Variants in MAN1A1 observed in about 807,000 individuals in gnomAD.
MAN1A1 encodes the protein mannosidase alpha class 1A member 1, also known as mannosyl-oligosaccharide 1,2-alpha-mannosidase IA.
A neutral mutation model predicts 70.8 loss-of-function variants in MAN1A1; 29 were observed. The observed-to-expected ratio is 0.41, with a 90% CI of 0.31 to 0.56. MAN1A1 has a LOEUF of 0.56. MAN1A1 is among the 20% of genes least tolerant of loss of function. The pLI is 0.29. For missense variants in MAN1A1, 747 were observed against 841.3 expected, an observed-to-expected ratio of 0.89 and a Z score of 1.39; for synonymous variants, 349 against 330.1, an observed-to-expected ratio of 1.06 and a Z score of -0.62.
intron 6 of MAN1A1, among the ~76,000 whole-genome samples, chr6:119,226,901 C>A (rs557165911): frequency 6.6e-6 from 1 of 152,052 alleles, no homozygotes; most frequent in African/African-American, 2.4e-5. Context: ...GAACTCCTGG[C>A]CTCAAGCAAT....
chr6:119,204,808 T>C lies in MAN1A1; in HGVS notation c.1067A>G (p.Glu356Gly), dbSNP rs1562190992. 6.2e-7 allele frequency: 1 copy of C among 1,613,978 alleles called. No homozygotes were observed. Reference protein sequence around the residue: ...ILAEFGTLHLEFMHLSHLSGN... With the variant: ...ILAEFGTLHLGFMHLSHLSGN... ...TGATAAGTGGCTCAAGTGCATAAAC[T>C]CCAAATGCAGGGTTCCAAATTCTGC... Residue 356 changes from glutamate to glycine, a missense_variant, in exon 7 of 13, where the codon GAG (glutamate) becomes GGG (glycine). Physicochemically the swap from Glu to Gly is moderately conservative, Grantham distance 98. Around this residue, in one of 2 missense-constraint regions of MAN1A1, gnomAD observed 419 missense variants for 548.2 expected, o/e 0.76. Transcript: ENST00000368468.
intron 4 of MAN1A1, among the ~76,000 whole-genome samples, chr6:119,293,555 C>A (rs192628430): frequency 3.3e-5 from 5 of 152,206 alleles, no homozygotes; most frequent in Admixed American, 3.3e-4. Context: ...ATCACTAGTT[C>A]TCAAGTCACC....
intron 10 of MAN1A1, 41 bp from the exon 11 acceptor site, chr6:119,188,618 G>T: frequency 6.4e-7 from 1 of 1,557,306 alleles, no homozygotes; most frequent in Non-Finnish European, 8.8e-7. Context: ...TATTTTCCTG[G>T]ACAGTGCTTA....
At chr6:119,200,679 T>C (rs1452401145) in intron 8 of MAN1A1, among the ~76,000 whole-genome samples, 1 of 152,204 alleles carries the variant, frequency 6.6e-6, no homozygotes, top group Non-Finnish European at 1.5e-5. Context: ...CTGAAGAGTC[T>C]TAAGTGCAGG....
intron 2 of MAN1A1, among the ~76,000 whole-genome samples, chr6:119,337,044 C>T (rs1773471135): frequency 6.6e-6 from 1 of 152,068 alleles, no homozygotes; most frequent in South Asian, 2.1e-4. Flanking sequence ...AGGAATCTCA[C>T]AATCATCTAC....
upstream of MAN1A1, chr6:119,349,779 T>G (rs576967164): frequency 2.0e-6 from 2 of 983,380 alleles, no homozygotes; most frequent in Non-Finnish European, 2.4e-6. Flanking sequence ...CTGCCGGTCT[T>G]GGGGCGGTGG....
chr6:119,277,599 G>A (rs1562222308), intron 5 of MAN1A1, among the ~76,000 whole-genome samples: 1 of 151,958 alleles, frequency 6.6e-6, no homozygotes, highest in Non-Finnish European at 1.5e-5. Context: ...AGGCAGGAGG[G>A]TAACTTTAGG....
intron 11 of MAN1A1, among the ~76,000 whole-genome samples, chr6:119,181,621 C>G (rs192303010): frequency 9.5e-4 from 144 of 152,228 alleles, no homozygotes; most frequent in African/African-American, 3.4e-3. Flanking sequence ...CCTAAACCAA[C>G]CTGCCTTCCA....
At chr6:119,215,632 T>C (rs1364701711) in intron 6 of MAN1A1, among the ~76,000 whole-genome samples, 1 of 152,218 alleles carries the variant, frequency 6.6e-6, no homozygotes, top group African/African-American at 2.4e-5. Flanking sequence ...TGGCACAAAA[T>C]ATATCTTATG....
chr6:119,271,001 C>G (rs1182568504), intron 5 of MAN1A1, among the ~76,000 whole-genome samples: 1 of 152,168 alleles, frequency 6.6e-6, no homozygotes, highest in Non-Finnish European at 1.5e-5. Context: ...ACTACTTTCT[C>G]TTCCATAGAA....
intron 2 of MAN1A1, among the ~76,000 whole-genome samples, chr6:119,336,379 T>G (rs1773450771): frequency 6.6e-6 from 1 of 152,166 alleles, no homozygotes; most frequent in South Asian, 2.1e-4. Flanking sequence ...CAGCAATCTG[T>G]TTTAACATGC....
In MAN1A1 at chr6:119,348,517, C is replaced by G. The variant is rs776540096; in HGVS notation, c.549G>C (p.Glu183Asp). Reference protein sequence around the residue: ...PVDFVPPIGVESREPADAAIR... With the variant: ...PVDFVPPIGVDSREPADAAIR... ...TGGCGGCGTCGGCGGGCTCCCGGCT[C>G]TCCACCCCGATTGGGGGCACGAAGT... Residue 183 changes from glutamate (E) to aspartate (D), a missense_variant, in exon 2 of 13, where the codon GAG becomes GAC. This residue lies in a region of MAN1A1 where 328 missense variants were observed against 293.1 expected (regional missense o/e 1.12). Transcript: ENST00000368468. The G allele has an allele frequency of 1.2e-6, 2 of 1,612,166 alleles. No homozygotes were observed. Among genetic ancestry groups the G allele is most frequent in the Non-Finnish European group, 1.7e-6 (2 of 1,179,172 alleles).
intron 2 of MAN1A1, among the ~76,000 whole-genome samples, chr6:119,322,359 C>A (rs1388858817): frequency 2.0e-5 from 3 of 152,260 alleles, no homozygotes; most frequent in South Asian, 2.1e-4. Context: ...TCAGCTTAGA[C>A]CAATTACTAC....
At chr6:119,264,559 T>G (rs1775696978) in intron 5 of MAN1A1, among the ~76,000 whole-genome samples, 1 of 152,200 alleles carries the variant, frequency 6.6e-6, no homozygotes, top group Admixed American at 6.5e-5. Context: ...ATGCCATCAC[T>G]GCATAATTTT....
rs543225261 is a variant in MAN1A1, at chr6:119,349,277, G to T, written c.-212C>A. 212 of 1,212,482 alleles carry T rather than the reference G, an allele frequency of 1.7e-4. 1 individual carries two copies. The East Asian group carries it at 6.6e-3, about 38-fold the overall frequency. 75.1% of individuals were successfully genotyped at this position (1,212,482 alleles called of 1,614,324 possible). A position where few individuals can be genotyped will look rare whatever the true frequency, so the allele number is the denominator to read the frequency against. Reference sequence around the variant, plus strand: ...ACACAGGCACGCGCGACAGACCGCTGGCTGCAGCCCCTGCGGGGAGAGAAA... The same window carrying T: ...ACACAGGCACGCGCGACAGACCGCTTGCTGCAGCCCCTGCGGGGAGAGAAA... On this transcript the variant is annotated 5_prime_UTR_variant, in exon 2 of 13. Coordinates refer to ENST00000368468, the MANE Select transcript of MAN1A1 (RefSeq NM_005907.4).
intron 11 of MAN1A1, among the ~76,000 whole-genome samples, chr6:119,187,717 GA>G (rs1191302455): frequency 2.0e-5 from 3 of 152,198 alleles, no homozygotes; most frequent in Non-Finnish European, 4.4e-5. Context: ...ACTCCTTGAG[GA>G]ATAATAACTC....
chr6:119,196,030 T>A (rs1393581130), intron 8 of MAN1A1, among the ~76,000 whole-genome samples: 1 of 152,106 alleles, frequency 6.6e-6, no homozygotes, highest in Non-Finnish European at 1.5e-5. Context: ...AAATCATGGT[T>A]TGGCATTGTC....
intron 6 of MAN1A1, among the ~76,000 whole-genome samples, chr6:119,223,139 T>C (rs371955009): frequency 6.6e-6 from 1 of 152,234 alleles, no homozygotes; most frequent in East Asian, 1.9e-4. Flanking sequence ...GTGAACAAAA[T>C]TAGTTCCCTA....
At position 119,297,778 on chromosome 6, in the gene MAN1A1, C is replaced by T. The variant is rs1380406811; in HGVS notation, c.816+4210G>A. Among the ~76,000 whole-genome samples, 16 of 110,532 alleles carry T rather than the reference C, an allele frequency of 1.4e-4. 1 individual carries two copies. Among genetic ancestry groups the T allele is most frequent in the Non-Finnish European group, 2.8e-4 (16 of 56,884 alleles). 72.5% of individuals were successfully genotyped at this position (110,532 alleles called of 152,430 possible). A position where few individuals can be genotyped will look rare whatever the true frequency, so the allele number is the denominator to read the frequency against. ...TTTTTGAGATGGAGTCTCGCTCTGT[C>T]GCCCAGGCTGGAGTTTTTTTGTTTT... On this transcript the variant is annotated intron_variant, in intron 4 of 12. Coordinates refer to ENST00000368468, the MANE Select transcript of MAN1A1 (RefSeq NM_005907.4).
Sources: gnomAD v4.1 joint callset for allele counts (sites outside exome capture counted in the v4.1 genomes callset) on GRCh38, gnomAD v4.1.1 for gene constraint, gnomAD v4.1.1 regional missense constraint, MANE v1.5 for transcripts, NCBI Gene and HGNC (gene_info 2026-07-23, HGNC 2026-07-21) for gene names.